Variants in MAP2K5 observed in about 807,000 individuals in gnomAD.
MAP2K5 encodes dual specificity mitogen-activated protein kinase kinase 5.
Under a neutral mutation model 83.1 loss-of-function variants are expected in MAP2K5, and 49 were observed. The observed-to-expected ratio is 0.59, with a 90% CI of 0.47 to 0.75. MAP2K5 has a LOEUF of 0.75. Among genes scored for constraint, MAP2K5 ranks in the 30% least tolerant of loss-of-function variants. MAP2K5 has a pLI of 0.00. For synonymous variants in MAP2K5, 202 were observed against 191.8 expected (o/e 1.05, Z -0.44); for missense variants, 457 against 557.5 (o/e 0.82, Z 1.82).
intron 17 of MAP2K5, among the ~76,000 whole-genome samples, chr15:67,734,256 A>G (rs1489704872): frequency 6.6e-5 from 10 of 152,184 alleles, no homozygotes; most frequent in Admixed American, 1.3e-4. Flanking sequence ...TTTTTATTAT[A>G]TGCAATCCAT....
rs1410504798 is a variant in MAP2K5, at chr15:67,757,622, A to ATTAAAGCTACTCT, written c.1134+9027_1134+9028insCTACTCTTTAAAG. Among the ~76,000 whole-genome samples, 1 of 152,192 alleles carries ATTAAAGCTACTCT rather than the reference A, an allele frequency of 6.6e-6. No homozygotes were observed. ...GAATGAATAAGATGCTCTTTCCACC[A>ATTAAAGCTACTCT]TTAAAGAGCAGCTACCCTAGTCAGG... is the stretch of plus-strand genomic sequence containing the variant. On this transcript the variant is annotated intron_variant, in intron 19 of 21. Transcript: ENST00000178640. The surrounding 1 kb of genome is among the most constrained non-coding windows in gnomAD (Gnocchi z 4.9).
At position 67,605,464 on chromosome 15, in the gene MAP2K5, T is replaced by C. The variant is rs1367998667; in HGVS notation, c.545+4715T>C. Among the ~76,000 whole-genome samples, 5 of 152,242 alleles carry C rather than the reference T, an allele frequency of 3.3e-5. No individual in the cohort carries two copies. The East Asian group carries it at 9.6e-4, about 29-fold the overall frequency. ...CATTATACTTCTGTATTTTCTTCTA[T>C]TCTGTAGTTGCTTAATGAATCATGA... is the stretch of plus-strand genomic sequence containing the variant. On this transcript the variant is annotated intron_variant, in intron 8 of 21. Coordinates refer to ENST00000178640, the MANE Select transcript of MAP2K5 (RefSeq NM_145160.3).
chr15:67,667,500 C>A (rs1011657709), intron 13 of MAP2K5, among the ~76,000 whole-genome samples: 13 of 152,076 alleles, frequency 8.5e-5, no homozygotes, highest in African/African-American at 2.7e-4. Flanking sequence ...GCTGGGGGAG[C>A]CTGGTTTAGG....
intron 9 of MAP2K5, among the ~76,000 whole-genome samples, chr15:67,632,401 T>C (rs2086495895): frequency 6.6e-6 from 1 of 152,166 alleles, no homozygotes; most frequent in African/African-American, 2.4e-5. Flanking sequence ...CGCCCAGCTA[T>C]GCTAGATGTT....
At chr15:67,649,516 G>A (rs1159405696) in intron 11 of MAP2K5, among the ~76,000 whole-genome samples, 1 of 152,046 alleles carries the variant, frequency 6.6e-6, no homozygotes, top group African/African-American at 2.4e-5. Flanking sequence ...TATATGGTAT[G>A]AGATAGGGGT....
intron 6 of MAP2K5, among the ~76,000 whole-genome samples, chr15:67,589,890 GATA>G (rs2085361504): frequency 6.6e-6 from 1 of 151,770 alleles, no homozygotes; most frequent in Admixed American, 6.6e-5. Context: ...ATAAATTAGG[GATA>G]ATAACTATAC....
rs35988425 is a variant in MAP2K5, at chr15:67,737,844, CTTTTTTTT to C, written c.1074+9917_1074+9924del. Among the ~76,000 whole-genome samples, 19 of 69,306 alleles carry C rather than the reference CTTTTTTTT, an allele frequency of 2.7e-4. 1 individual carries two copies. In the South Asian group the frequency reaches 9.0e-3, roughly 33 times the overall value. The allele number at this position is 69,306 out of a possible 152,430, so 45.5% of individuals were successfully genotyped here. Reference sequence around the variant, plus strand: ...AGAACAGCTTGGGGAATAGAATAGTCTTTTTTTTTTTTTTTTTTTTTTTTTGAGACAGA... The same window carrying C: ...AGAACAGCTTGGGGAATAGAATAGTCTTTTTTTTTTTTTTTTTGAGACAGA... On this transcript the variant is annotated intron_variant, in intron 17 of 21. Transcript: ENST00000178640.
At position 67,682,549 on chromosome 15, in the gene MAP2K5, G is replaced by T. The variant is rs760921441; in HGVS notation, c.848-9930G>T. Reference sequence around the variant, plus strand: ...CTGGAGCTATTCTTAAGAGCTGTAGGTTGGCTGGATGTGGTGGCTTACACC... The same window carrying T: ...CTGGAGCTATTCTTAAGAGCTGTAGTTTGGCTGGATGTGGTGGCTTACACC... On this transcript the variant is annotated intron_variant, in intron 13 of 21. Coordinates refer to ENST00000178640, the MANE Select transcript of MAP2K5 (RefSeq NM_145160.3). Among the ~76,000 whole-genome samples the T allele has an allele frequency of 1.2e-4, 18 of 151,298 alleles. No individual in the cohort carries two copies. The East Asian group carries it at 3.4e-3, about 29-fold the overall frequency.
intron 12 of MAP2K5, chr15:67,658,849 C>G: frequency 1.8e-6 from 1 of 568,244 alleles, no homozygotes; most frequent in Non-Finnish European, 3.3e-6. Context: ...TTGCAGGGAC[C>G]TTGGTATTCT....
chr15:67,710,223 T>C (rs966946882), intron 16 of MAP2K5, among the ~76,000 whole-genome samples: 1 of 152,220 alleles, frequency 6.6e-6, no homozygotes. Context: ...GGATCTTCAT[T>C]CTTTCTGCCT....
rs752067523 is a variant in MAP2K5 at position 67,559,058 on chromosome 15, C to T, written c.185-4225C>T. ...AAAGTACGGCCTCTGGTCCTGCCCA[C>T]GTCATTAACTCCGTGCCTGAGAAGG... On this transcript the variant is annotated intron_variant, in intron 2 of 21. Coordinates refer to ENST00000178640, the MANE Select transcript of MAP2K5 (RefSeq NM_145160.3). The surrounding 1 kb of genome is among the most constrained non-coding windows in gnomAD (Gnocchi z 4.7). Among the ~76,000 whole-genome samples the T allele has an allele frequency of 5.3e-5, 8 of 152,218 alleles. No homozygotes were observed. The East Asian group carries it at 5.8e-4, about 11-fold the overall frequency.
At chr15:67,704,561 G>T (rs892053530) in intron 16 of MAP2K5, among the ~76,000 whole-genome samples, 1 of 152,100 alleles carries the variant, frequency 6.6e-6, no homozygotes, top group Non-Finnish European at 1.5e-5. Flanking sequence ...CAATTCACCT[G>T]CACAGTAGAA....
Position 67,748,574 on chromosome 15 carries a change from C to T in MAP2K5, c.1107C>T (p.Leu369=). The T allele has an allele frequency of 1.2e-6, 2 of 1,613,998 alleles. No homozygotes were observed. The highest frequency in any genetic ancestry group is 1.1e-5 in the South Asian group (1 of 91,072). The part of the protein sequence containing the change: ...IQKNQGSLMP[L]QLLQCIVDED... ...TCTCTTCTTTTCCATTGCAGCCTCT[C>T]CAGCTTCTGCAGTGCATTGTTGATG... The change falls in exon 19 of 22, where the codon CTC becomes CTT. Residue 369 remains leucine, a synonymous_variant. Coordinates refer to ENST00000178640, the MANE Select transcript of MAP2K5 (RefSeq NM_145160.3). The surrounding 1 kb of genome is among the most constrained non-coding windows in gnomAD (Gnocchi z 4.0).
rs1304479318 is a variant in MAP2K5, at chr15:67,717,736, A to T, written c.1045-10180A>T. On this transcript the variant is annotated intron_variant, in intron 16 of 21. Transcript: ENST00000178640. The surrounding 1 kb of genome is among the most constrained non-coding windows in gnomAD (Gnocchi z 4.1). ...CAAGATGACTTCATATGCGTGTATG[A>T]TGCTTTGGTGGGGATGGCCAGGAGT... 6.6e-6 allele frequency among the ~76,000 whole-genome samples: 1 copy of T among 152,292 alleles called. No individual in the cohort carries two copies. The highest frequency in any genetic ancestry group is 3.4e-3 in the Middle Eastern group (1 of 292).
At chr15:67,583,144 G>A (rs2085217944) in intron 4 of MAP2K5, among the ~76,000 whole-genome samples, 1 of 152,160 alleles carries the variant, frequency 6.6e-6, no homozygotes, top group Admixed American at 6.5e-5. Context: ...ATTCAGAGAG[G>A]TTAAGTAACT....
chr15:67,554,630 C>G (rs1212158444), intron 2 of MAP2K5, among the ~76,000 whole-genome samples: 1 of 152,136 alleles, frequency 6.6e-6, no homozygotes, highest in Non-Finnish European at 1.5e-5. Context: ...CTCTCTGCAC[C>G]TTTACTAGAG....
chr15:67,584,513 G>C (rs1250635412), intron 4 of MAP2K5, among the ~76,000 whole-genome samples: 1 of 152,048 alleles, frequency 6.6e-6, no homozygotes. Context: ...AGAAGATTTT[G>C]AGTCTTAATT....
rs1446888743 is a variant in MAP2K5, at chr15:67,783,564, T to G, written c.1242+10812T>G. On this transcript the variant is annotated intron_variant, in intron 21 of 21. Transcript: ENST00000178640. This position sits in a 1 kb window ranked among gnomAD's most constrained non-coding sequence, Gnocchi z 5.1. Reference sequence around the variant, plus strand: ...TGTCACCCTTCACCCTGGCTAATACTTCTGTTAGTGCACTCGTCACGCTTT... The same window carrying G: ...TGTCACCCTTCACCCTGGCTAATACGTCTGTTAGTGCACTCGTCACGCTTT... 3.3e-5 allele frequency among the ~76,000 whole-genome samples: 5 copies of G among 152,196 alleles called. No individual in the cohort carries two copies. The highest frequency in any genetic ancestry group is 7.3e-5 in the Non-Finnish European group (5 of 68,034).
At chr15:67,806,616 C>T in intron 21 of MAP2K5, 30 bp from the exon 22 acceptor site, 4 of 1,538,178 alleles carry the variant, frequency 2.6e-6, no homozygotes, top group Non-Finnish European at 2.6e-6. Flanking sequence ...CCGAGGACTG[C>T]CTGTCACAGC....
Sources: gnomAD v4.1 joint callset for allele counts (sites outside exome capture counted in the v4.1 genomes callset) on GRCh38, gnomAD v4.1.1 for gene constraint, Gnocchi (gnomAD v3.1) non-coding constraint, MANE v1.5 for transcripts, NCBI Gene and HGNC (gene_info 2026-07-23, HGNC 2026-07-21) for gene names.